CNTN3: variants seen among roughly 807,000 people sequenced by gnomAD.
CNTN3 encodes contactin-3.
A neutral mutation model predicts 119.1 loss-of-function variants in CNTN3; 60 were observed. The ratio of observed to expected loss-of-function variants is 0.50; its 90% CI spans 0.41 to 0.62. The LOEUF is 0.62. Among genes scored for constraint, CNTN3 ranks in the 20% least tolerant of loss-of-function variants. The pLI is 0.00. For synonymous variants in CNTN3, 450 were observed against 438.7 expected, an observed-to-expected ratio of 1.03 and a Z score of -0.32; for missense variants, 1,101 against 1,242.4, an observed-to-expected ratio of 0.89 and a Z score of 1.71.
At chr3:74,416,200 T>A (rs1701517769) in intron 5 of CNTN3, among the ~76,000 whole-genome samples, 1 of 152,222 alleles carries the variant, frequency 6.6e-6, no homozygotes, top group Non-Finnish European at 1.5e-5. Context: ...GTATAGTTAA[T>A]CCCCTTCATA....
chr3:74,390,367 T>C (rs1179416286), intron 5 of CNTN3, among the ~76,000 whole-genome samples: 2 of 141,968 alleles, frequency 1.4e-5, no homozygotes, highest in Non-Finnish European at 3.1e-5. Flanking sequence ...GCTGAGAGTA[T>C]GCTTTTTTTT....
At chr3:74,611,982 T>C (rs955092520) in intron 1 of CNTN3, among the ~76,000 whole-genome samples, 1 of 152,188 alleles carries the variant, frequency 6.6e-6, no homozygotes, top group African/African-American at 2.4e-5. Context: ...TAACTGGTGA[T>C]TGGAAACCAG....
intron 1 of CNTN3, among the ~76,000 whole-genome samples, chr3:74,593,955 G>C (rs1188185470): frequency 6.6e-6 from 1 of 151,914 alleles, no homozygotes; most frequent in Admixed American, 6.6e-5. Flanking sequence ...TATGGAGGTG[G>C]AGAAAAAATA....
intron 1 of CNTN3, among the ~76,000 whole-genome samples, chr3:74,534,398 C>T (rs908458302): frequency 6.6e-5 from 10 of 151,908 alleles, no homozygotes; most frequent in African/African-American, 2.2e-4. Flanking sequence ...AATTTGCTTA[C>T]ATCAAAATGT....
chr3:74,584,173 T>A (rs1397859435), intron 1 of CNTN3, among the ~76,000 whole-genome samples: 12 of 152,210 alleles, frequency 7.9e-5, no homozygotes, highest in Admixed American at 2.6e-4. Context: ...TTTTTTTATT[T>A]GTATTTTCTA....
intron 4 of CNTN3, among the ~76,000 whole-genome samples, chr3:74,431,560 T>C (rs903506808): frequency 6.6e-6 from 1 of 152,170 alleles, no homozygotes; most frequent in Admixed American, 6.6e-5. Flanking sequence ...ACAAATAATA[T>C]CTACTAAAGT....
chr3:74,481,526 A>C (rs2107028766), intron 4 of CNTN3, among the ~76,000 whole-genome samples: 1 of 152,058 alleles, frequency 6.6e-6, no homozygotes, highest in South Asian at 2.1e-4. Flanking sequence ...AGAAAATCAT[A>C]ATGAAATTAT....
intron 1 of CNTN3, among the ~76,000 whole-genome samples, chr3:74,583,477 A>C (rs1426757203): frequency 6.6e-6 from 1 of 152,150 alleles, no homozygotes; most frequent in Non-Finnish European, 1.5e-5. Context: ...GAATACATAC[A>C]TTATGTTTCC....
In CNTN3 at chr3:74,264,351, T is replaced by G. The variant is rs756284132; in HGVS notation, c.*50A>C. 9.0e-7 allele frequency: 1 copy of G among 1,107,142 alleles called. No homozygotes were observed. Among genetic ancestry groups the G allele is most frequent in the South Asian group, 2.5e-5 (1 of 40,746 alleles). The allele number at this position is 1,107,142 out of a possible 1,614,324, so 68.6% of individuals were successfully genotyped here. On this transcript the variant is annotated 3_prime_UTR_variant, in exon 23 of 23. Coordinates refer to ENST00000263665, the MANE Select transcript of CNTN3 (RefSeq NM_020872.3). ...AATCACTGCATTTCATGAAAGCACT[T>G]TTTTTGGTAACCAAATAACTTTCCA...
chr3:74,487,989 A>G (rs927311751), intron 3 of CNTN3, among the ~76,000 whole-genome samples: 2 of 139,858 alleles, frequency 1.4e-5, no homozygotes. Context: ...TAATCATTAT[A>G]CATAATTATT....
rs148386917 is a variant in CNTN3 at position 74,424,406 on chromosome 3, T to TATAC, written c.454+438_454+439insGTAT. Among the ~76,000 whole-genome samples, 123 of 148,552 alleles carry TATAC rather than the reference T, an allele frequency of 8.3e-4. 1 individual carries two copies. Among genetic ancestry groups the TATAC allele is most frequent in the Admixed American group, 2.0e-3 (29 of 14,812 alleles). ...CTATGTGTATAAATATATATATATA[T>TATAC]ATATAAAATACATATATAAAGAGGC... On this transcript the variant is annotated intron_variant, in intron 5 of 22. Transcript: ENST00000263665.
chr3:74,552,342 A>G (rs1373609534), intron 1 of CNTN3, among the ~76,000 whole-genome samples: 1 of 152,186 alleles, frequency 6.6e-6, no homozygotes, highest in African/African-American at 2.4e-5. Flanking sequence ...GATCTTTCGG[A>G]AAGAGTATGC....
At chr3:74,594,553 T>C (rs888982012) in intron 1 of CNTN3, among the ~76,000 whole-genome samples, 2 of 152,072 alleles carry the variant, frequency 1.3e-5, no homozygotes, top group African/African-American at 2.4e-5. Flanking sequence ...GTTTGGTTTT[T>C]TGTCCTTGTG....
At chr3:74,539,215 G>A (rs1184430339) in intron 1 of CNTN3, among the ~76,000 whole-genome samples, 1 of 152,002 alleles carries the variant, frequency 6.6e-6, no homozygotes, top group African/African-American at 2.4e-5. Context: ...ATTTTAAGCA[G>A]GACTGTCACT....
chr3:74,445,231 A>G (rs1229723689), intron 4 of CNTN3, among the ~76,000 whole-genome samples: 1 of 152,094 alleles, frequency 6.6e-6, no homozygotes, highest in Admixed American at 6.6e-5. Flanking sequence ...TAACATATAG[A>G]AACATTGTAA....
At position 74,526,287 on chromosome 3, in the gene CNTN3, T is replaced by G. The variant is rs190407798; in HGVS notation, c.-80-5095A>C. Among the ~76,000 whole-genome samples the G allele has an allele frequency of 2.2e-4, 33 of 152,022 alleles. No homozygotes were observed. The East Asian group carries it at 3.7e-3, about 17-fold the overall frequency. On this transcript the variant is annotated intron_variant, in intron 1 of 22. Coordinates refer to ENST00000263665, the MANE Select transcript of CNTN3 (RefSeq NM_020872.3). ...TATTCAATTATTAGTGGATAAAAGT[T>G]TGATACCTTTGGGTGTTGTACTGTG...
intron 4 of CNTN3, among the ~76,000 whole-genome samples, chr3:74,476,074 T>C (rs1035794920): frequency 6.6e-6 from 1 of 152,076 alleles, no homozygotes; most frequent in Admixed American, 6.6e-5. Flanking sequence ...ACGGAGAAAA[T>C]ATAGGTGTTA....
chr3:74,309,197 T>C (rs1702627396), intron 13 of CNTN3, among the ~76,000 whole-genome samples: 1 of 152,092 alleles, frequency 6.6e-6, no homozygotes. Flanking sequence ...CTCCATCTCC[T>C]GGGTTCATGT....
chr3:74,612,408 T>C (rs938957945), intron 1 of CNTN3, among the ~76,000 whole-genome samples: 1 of 152,190 alleles, frequency 6.6e-6, no homozygotes, highest in African/African-American at 2.4e-5. Flanking sequence ...AAGGTACACT[T>C]GGGCTATCTG....
Sources: allele counts gnomAD v4.1 joint callset (sites outside exome capture counted in the v4.1 genomes callset), GRCh38; gene constraint gnomAD v4.1.1; transcripts MANE v1.5; gene names NCBI Gene and HGNC (gene_info 2026-07-23, HGNC 2026-07-21).